The following MUC5B variants were observed in gnomAD, a reference collection of about 807,000 sequenced individuals.
MUC5B encodes the protein mucin 5B, oligomeric mucus/gel-forming.
Under a neutral mutation model 376.9 loss-of-function variants are expected in MUC5B, and 116 were observed. The observed-to-expected ratio is 0.31, with a 90% CI of 0.26 to 0.36. MUC5B has a LOEUF of 0.36. MUC5B is among the 10% of genes least tolerant of loss of function. The pLI is 1.00. For missense variants in MUC5B, 7,165 were observed against 7,769.9 expected (o/e 0.92, Z 2.93); for synonymous variants, 3,517 against 3,390.9 (o/e 1.04, Z -1.29).
Position 1,250,424 on chromosome 11 carries a change from C to G in MUC5B, c.13544C>G (p.Thr4515Ser), listed in dbSNP as rs769067287. 6.3e-6 allele frequency: 10 copies of G among 1,595,738 alleles called. No individual in the cohort carries two copies. Among genetic ancestry groups the G allele is most frequent in the Non-Finnish European group, 8.6e-6 (10 of 1,164,578 alleles). Residue 4515 changes from threonine to serine, a missense_variant, in exon 31 of 49, where the codon ACC becomes AGC. Around this residue, in one of 31 missense-constraint regions of MUC5B, gnomAD observed 431 missense variants for 390.4 expected, o/e 1.10. Transcript: ENST00000529681. Reference sequence around the variant, plus strand: ...CTTCCAGCACTGAGAAGCACAGCCACCACACCCACAGCTACCAGCTTTACA... The same window carrying G: ...CTTCCAGCACTGAGAAGCACAGCCAGCACACCCACAGCTACCAGCTTTACA... ...TALPALRSTA[T>S]TPTATSFTAI...
intron 1 of MUC5B, chr11:1,223,435 C>T (rs1011519177): frequency 1.2e-4 from 75 of 633,192 alleles, no homozygotes; most frequent in African/African-American, 1.0e-3. Flanking sequence ...GGCCCCTGAC[C>T]GCAGGGCAAG....
rs1862755236 is a variant in MUC5B at position 1,253,429 on chromosome 11, T to C, written c.15217+449T>C. 6.6e-6 allele frequency among the ~76,000 whole-genome samples: 1 copy of C among 152,026 alleles called. No homozygotes were observed. The highest frequency in any genetic ancestry group is 6.5e-5 in the Admixed American group (1 of 15,274). ...GGAAGCGGGAGCCCAGAGGAGCTTT[T>C]GTCTCCTGGGTCCTAACAGCGGCTT... On this transcript the variant is annotated intron_variant, in intron 33 of 48. Coordinates refer to ENST00000529681, the MANE Select transcript of MUC5B (RefSeq NM_002458.3). This position sits in a 1 kb window ranked among gnomAD's most constrained non-coding sequence, Gnocchi z 4.3.
chr11:1,227,709 G>A lies in MUC5B; in HGVS notation c.702G>A (p.Leu234=), dbSNP rs976515023. 3.0e-5 allele frequency: 22 copies of A among 723,902 alleles called. No individual in the cohort carries two copies. In the Admixed American group the frequency reaches 4.3e-4, roughly 14 times the overall value. The allele number at this position is 723,902 out of a possible 1,614,324, so 44.8% of individuals were successfully genotyped here. ...TGACCCCGCTCCAGTTTGGGAACCTGCAGAAGTTGGATGGGCCCACGGAGC... is the reference window on the plus strand; with the variant it reads ...TGACCCCGCTCCAGTTTGGGAACCTACAGAAGTTGGATGGGCCCACGGAGC... ...ARLTPLQFGN[L]QKLDGPTEQC... is the part of the protein sequence containing the mutation. Residue 234 remains leucine (L), a synonymous_variant, in exon 7 of 49, where the codon CTG becomes CTA. Transcript: ENST00000529681.
rs1411553858 is a variant in MUC5B at position 1,259,808 on chromosome 11, C to A, written c.16766C>A (p.Thr5589Asn). The A allele has an allele frequency of 5.0e-6, 8 of 1,612,426 alleles. No homozygotes were observed. Among genetic ancestry groups the A allele is most frequent in the Non-Finnish European group, 6.8e-6 (8 of 1,179,694 alleles). Residue 5589 changes from threonine (T) to asparagine (N), a missense_variant, in exon 45 of 49, where the codon ACC becomes AAC. By Grantham distance (65) the Thr-to-Asn change is moderately conservative. Coordinates refer to ENST00000529681, the MANE Select transcript of MUC5B (RefSeq NM_002458.3). ...AGQCCGECVQTACLTPDGQPV... is the reference protein window; with the variant it reads ...AGQCCGECVQNACLTPDGQPV... The stretch of plus-strand genomic sequence containing the variant: ...CAGTGCTGTGGGGAGTGCGTCCAGA[C>A]CGCCTGCCTCACGCCCGATGGCCAG...
In MUC5B at chr11:1,241,936, C is replaced by G. The variant is rs767233473; in HGVS notation, c.5056C>G (p.Pro1686Ala). ...TGCAGGCTCCACAGAACCCACTGTC[C>G]CAGGGGTGGCCACATCCACCCTTCC... ...TPAGSTEPTV[P>A]GVATSTLPTR... The change falls in exon 31 of 49, where the codon CCA becomes GCA. Residue 1686 changes from proline to alanine, a missense_variant. Transcript: ENST00000529681. 5 of 1,607,350 alleles carry G rather than the reference C, an allele frequency of 3.1e-6. No individual in the cohort carries two copies. The highest frequency in any genetic ancestry group is 1.7e-5 in the Admixed American group (1 of 58,948).
intron 14 of MUC5B, 22 bp downstream of exon 14, chr11:1,231,582 C>T (rs754202606): frequency 1.1e-5 from 17 of 1,552,270 alleles, no homozygotes; most frequent in African/African-American, 2.7e-5. Flanking sequence ...CAGGGGCCTT[C>T]GGGGACAGGG....
intron 48 of MUC5B, 117 bp downstream of exon 48, chr11:1,260,845 G>A (rs999780090): frequency 1.4e-6 from 1 of 732,916 alleles, no homozygotes; most frequent in African/African-American, 1.7e-5. Flanking sequence ...CTCCAGGAAG[G>A]AGGGAAGGGG....
Position 1,254,309 on chromosome 11 carries a change from C to A in MUC5B, c.15435C>A (p.Ile5145=), listed in dbSNP as rs371581976. ...ALSIHYKSMD[I]VLTVTMVHGK... ...GCATCCACTACAAGTCCATGGATATCGTCCTCACTGTCACCATGGTGCATG... is the reference window on the plus strand; with the variant it reads ...GCATCCACTACAAGTCCATGGATATAGTCCTCACTGTCACCATGGTGCATG... The change falls in exon 34 of 49, where the codon ATC becomes ATA. Residue 5145 remains isoleucine (I), a synonymous_variant. Coordinates refer to ENST00000529681, the MANE Select transcript of MUC5B (RefSeq NM_002458.3). 3 of 1,608,012 alleles carry A rather than the reference C, an allele frequency of 1.9e-6. No individual in the cohort carries two copies. The highest frequency in any genetic ancestry group is 4.5e-5 in the East Asian group (2 of 44,882).
In MUC5B at chr11:1,251,611, A is replaced by G; in HGVS notation, c.14731A>G (p.Ser4911Gly). 1 of 1,612,982 alleles carries G rather than the reference A, an allele frequency of 6.2e-7. No individual in the cohort carries two copies. The highest frequency in any genetic ancestry group is 8.5e-7 in the Non-Finnish European group (1 of 1,179,772). Residue 4911 changes from serine (S) to glycine (G), a missense_variant, in exon 31 of 49, where the codon AGC becomes GGC. Around this residue, in one of 31 missense-constraint regions of MUC5B, gnomAD observed 730 missense variants for 592.7 expected, o/e 1.23. Coordinates refer to ENST00000529681, the MANE Select transcript of MUC5B (RefSeq NM_002458.3). ...CACCCGCACCCCTGCAGTGCTCCCC[A>G]GCAGCCTGCCAACCTTCAGCGTGTC... ...GTTRTPAVLP[S>G]SLPTFSVSTV...
chr11:1,255,294 C>A, intron 36 of MUC5B, 28 bp downstream of exon 36: 1 of 1,505,726 alleles, frequency 6.6e-7, no homozygotes, highest in South Asian at 1.3e-5. Context: ...GGGTTGCAGG[C>A]CCTGGGGCGC....
chr11:1,236,439 G>A lies in MUC5B; in HGVS notation c.2934G>A (p.Pro978=), dbSNP rs368645334. The change falls in exon 24 of 49, where the codon CCG becomes CCA. Residue 978 remains proline (P), a synonymous_variant. Transcript: ENST00000529681. ...CCTTTAAGGCGGTGGCGAGAGGGCCGGGTGGGGACCCACCCTACAAGATAC... is the reference window on the plus strand; with the variant it reads ...CCTTTAAGGCGGTGGCGAGAGGGCCAGGTGGGGACCCACCCTACAAGATAC... ...EGTFKAVARG[P]GGDPPYKIRY... 1.3e-4 allele frequency: 213 copies of A among 1,612,584 alleles called. 1 individual carries two copies. Among genetic ancestry groups the A allele is most frequent in the South Asian group, 1.1e-3 (102 of 91,066 alleles).
Position 1,253,070 on chromosome 11 carries a change from GCA to G in MUC5B, c.15217+93_15217+94del. The G allele has an allele frequency of 7.1e-7, 1 of 1,407,174 alleles. No homozygotes were observed. The highest frequency in any genetic ancestry group is 9.7e-7 in the Non-Finnish European group (1 of 1,036,118). 87.2% of individuals were successfully genotyped at this position (1,407,174 alleles called of 1,614,324 possible). On this transcript the variant is annotated intron_variant, in intron 33 of 48. Transcript: ENST00000529681. This position sits in a 1 kb window ranked among gnomAD's most constrained non-coding sequence, Gnocchi z 4.3. ...GGCTGGCAGAATGGGGCATGGTGGG[GCA>G]CAGTGGGGTGCAGTGGGGAATGGTG...
Position 1,223,533 on chromosome 11 carries a change from C to T in MUC5B, c.70+340C>T, listed in dbSNP as rs1861807116. The T allele has an allele frequency of 1.7e-5, 7 of 416,022 alleles. No homozygotes were observed. In the Admixed American group the frequency reaches 2.5e-4, roughly 15 times the overall value. The allele number at this position is 416,022 out of a possible 1,614,324, so 25.8% of individuals were successfully genotyped here. A position where few individuals can be genotyped will look rare whatever the true frequency, so the allele number is the denominator to read the frequency against. On this transcript the variant is annotated intron_variant, in intron 1 of 48. Coordinates refer to ENST00000529681, the MANE Select transcript of MUC5B (RefSeq NM_002458.3). Reference sequence around the variant, plus strand: ...GAGGGGGTCACAGCTGGGGGTCTCTCTGGAGCCCCATGAGGCCCAGGCATC... The same window carrying T: ...GAGGGGGTCACAGCTGGGGGTCTCTTTGGAGCCCCATGAGGCCCAGGCATC...
At position 1,235,375 on chromosome 11, in the gene MUC5B, G is replaced by C. The variant is rs746159976; in HGVS notation, c.2842G>C (p.Gly948Arg). 2 of 1,612,350 alleles carry C rather than the reference G, an allele frequency of 1.2e-6. No individual in the cohort carries two copies. Among genetic ancestry groups the C allele is most frequent in the Non-Finnish European group, 8.5e-7 (1 of 1,179,714 alleles). ...VTENIPCGTT[G>R]TTCSKAIKLF... ...CGAGAACATCCCCTGTGGGACCACC[G>C]GCACCACCTGCTCCAAGGCCATCAA... is the stretch of plus-strand genomic sequence containing the variant. The change falls in exon 23 of 49, where the codon GGC becomes CGC. Residue 948 changes from glycine (G) to arginine (R), a missense_variant. By Grantham distance (125) the Gly-to-Arg change is moderately radical. Transcript: ENST00000529681.
rs753254084 is a variant in MUC5B, at chr11:1,230,953, G to C, written c.1488G>C (p.Ala496=). The change falls in exon 13 of 49, where the codon GCG becomes GCC. Residue 496 remains alanine, a synonymous_variant. Coordinates refer to ENST00000529681, the MANE Select transcript of MUC5B (RefSeq NM_002458.3). ...DGGDTAIRVQ[A]DGGVFLNSIY... Reference sequence around the variant, plus strand: ...TTCCGCAGGCCATCCGGGTCCAAGCGGACGGCGGCGTGTTCCTCAACTCCA... The same window carrying C: ...TTCCGCAGGCCATCCGGGTCCAAGCCGACGGCGGCGTGTTCCTCAACTCCA... 3 of 1,594,120 alleles carry C rather than the reference G, an allele frequency of 1.9e-6. No homozygotes were observed. In the South Asian group the frequency reaches 3.4e-5, roughly 18 times the overall value.
rs1316402015 is a variant in MUC5B at position 1,259,080 on chromosome 11, G to A, written c.16713+19G>A. On this transcript the variant is annotated intron_variant, in intron 44 of 48. Transcript: ENST00000529681. ...TCCCCAGGTGAGACCCGAGGCACCT[G>A]CCCCCAGGTGAGCCCCCGAGGCACC... 4.5e-6 allele frequency: 7 copies of A among 1,541,282 alleles called. No homozygotes were observed. The highest frequency in any genetic ancestry group is 6.1e-6 in the Non-Finnish European group (7 of 1,144,214).
chr11:1,247,559 C>T lies in MUC5B; in HGVS notation c.10679C>T (p.Ser3560Leu), dbSNP rs374120381. The T allele has an allele frequency of 1.1e-4, 174 of 1,611,034 alleles. 1 individual carries two copies. The highest frequency in any genetic ancestry group is 3.3e-4 in the African/African-American group (25 of 74,892). Reference protein sequence around the residue: ...TSTLLPSSPTSAPITTVVTTG... With the variant: ...TSTLLPSSPTLAPITTVVTTG... The stretch of plus-strand genomic sequence containing the variant: ...ACCCTGCTGCCCAGCAGCCCCACAT[C>T]GGCCCCCATAACCACGGTGGTGACC... The change falls in exon 31 of 49, where the codon TCG becomes TTG. Residue 3560 changes from serine (S) to leucine (L), a missense_variant. Physicochemically the swap from Ser to Leu is moderately radical, Grantham distance 145. Around this residue, in one of 31 missense-constraint regions of MUC5B, gnomAD observed 81 missense variants for 154.5 expected, o/e 0.52. Transcript: ENST00000529681.
Position 1,247,916 on chromosome 11 carries a change from C to G in MUC5B, c.11036C>G (p.Ser3679Cys). Reference protein sequence around the residue: ...GHCPSTPATSSTATPSSTPGT... With the variant: ...GHCPSTPATSCTATPSSTPGT... ...TGCCCCAGCACCCCGGCCACCAGCTCTACGGCCACGCCCTCCTCAACTCCG... is the reference window on the plus strand; with the variant it reads ...TGCCCCAGCACCCCGGCCACCAGCTGTACGGCCACGCCCTCCTCAACTCCG... The change falls in exon 31 of 49, where the codon TCT becomes TGT. Residue 3679 changes from serine (S) to cysteine (C), a missense_variant. Ser to Cys is a moderately radical substitution (Grantham distance 112, BLOSUM62 -1). Transcript: ENST00000529681. The G allele has an allele frequency of 1.2e-6, 2 of 1,612,008 alleles. No individual in the cohort carries two copies. The highest frequency in any genetic ancestry group is 1.7e-6 in the Non-Finnish European group (2 of 1,178,992).
chr11:1,239,228 A>C (rs1490721267), intron 26 of MUC5B: 2 of 904,866 alleles, frequency 2.2e-6, no homozygotes, highest in Non-Finnish European at 1.7e-6. Flanking sequence ...CCCCAGCATG[A>C]GACAGCTCCT....
Sources: allele counts gnomAD v4.1 joint callset (sites outside exome capture counted in the v4.1 genomes callset), GRCh38; gene constraint gnomAD v4.1.1; regional missense constraint gnomAD v4.1.1; non-coding constraint Gnocchi (gnomAD v3.1); transcripts MANE v1.5; gene names NCBI Gene and HGNC (gene_info 2026-07-23, HGNC 2026-07-21).